Variants in GABRB1 observed in about 807,000 individuals in gnomAD.
The protein encoded by GABRB1 is gamma-aminobutyric acid receptor subunit beta-1.
GABRB1 carries 17 observed loss-of-function variants against 51.6 expected under a neutral mutation model. That is an observed-to-expected ratio of 0.33 (90% CI 0.23 to 0.49). The LOEUF is 0.49. Ranked by LOEUF, GABRB1 falls within the 20% of genes least tolerant of loss-of-function variation. GABRB1 has a pLI of 0.99. For synonymous variants in GABRB1, 247 were observed against 218.9 expected, an observed-to-expected ratio of 1.13 and a Z score of -1.14; for missense variants, 410 against 600.6, an observed-to-expected ratio of 0.68 and a Z score of 3.32.
intron 4 of GABRB1, among the ~76,000 whole-genome samples, chr4:47,286,019 A>G (rs1466153394): frequency 2.0e-4 from 31 of 152,240 alleles, no homozygotes; most frequent in Admixed American, 2.0e-3. Flanking sequence ...CTAACATTAA[A>G]CTTTTCTCAT....
upstream of GABRB1, among the ~76,000 whole-genome samples, chr4:47,028,491 A>T (rs560457890): frequency 1.3e-5 from 2 of 151,956 alleles, no homozygotes; most frequent in South Asian, 4.1e-4. Flanking sequence ...TGGCATAAAC[A>T]TTTTAAAATA....
At chr4:47,329,924 G>A (rs1451003519) in intron 5 of GABRB1, among the ~76,000 whole-genome samples, 2 of 151,956 alleles carry the variant, frequency 1.3e-5, no homozygotes, top group Admixed American at 6.6e-5. Context: ...GGAGGCTGAC[G>A]ATCTCAAGAT....
chr4:47,249,799 A>ACTT, intron 4 of GABRB1, among the ~76,000 whole-genome samples: 1 of 151,962 alleles, frequency 6.6e-6, no homozygotes, highest in East Asian at 1.9e-4. Context: ...CCACCCTTTT[A>ACTT]CTTTAAGTTT....
intron 4 of GABRB1, among the ~76,000 whole-genome samples, chr4:47,252,852 A>T (rs990853131): frequency 6.6e-6 from 1 of 152,100 alleles, no homozygotes; most frequent in African/African-American, 2.4e-5. Context: ...ATCCCTTATC[A>T]TACCTAAATA....
chr4:47,053,207 A>G (rs1485783011), intron 3 of GABRB1, among the ~76,000 whole-genome samples: 1 of 152,184 alleles, frequency 6.6e-6, no homozygotes, highest in Non-Finnish European at 1.5e-5. Context: ...AAATTCAAAC[A>G]TATGTCTTTG....
intron 4 of GABRB1, among the ~76,000 whole-genome samples, chr4:47,301,873 T>A (rs1389539138): frequency 1.3e-5 from 2 of 152,218 alleles, no homozygotes; most frequent in African/African-American, 4.8e-5. Context: ...TGCTTTTCTA[T>A]CATTTTTAAA....
intron 5 of GABRB1, among the ~76,000 whole-genome samples, chr4:47,392,783 A>C (rs1728049275): frequency 6.6e-6 from 1 of 152,242 alleles, no homozygotes; most frequent in Non-Finnish European, 1.5e-5. Flanking sequence ...TATCAAGTGA[A>C]TGACTGGCAT....
At chr4:47,166,380 T>C (rs1328453743) in intron 4 of GABRB1, among the ~76,000 whole-genome samples, 3 of 151,996 alleles carry the variant, frequency 2.0e-5, no homozygotes, top group Admixed American at 2.0e-4. Flanking sequence ...TTCTTCTTCC[T>C]CCTCTTCCTC....
At chr4:47,233,256 A>G (rs1009059967) in intron 4 of GABRB1, among the ~76,000 whole-genome samples, 1 of 152,090 alleles carries the variant, frequency 6.6e-6, no homozygotes, top group East Asian at 1.9e-4. Context: ...TACACTGCTA[A>G]AAGAGTTACT....
intron 4 of GABRB1, among the ~76,000 whole-genome samples, chr4:47,166,841 C>T (rs1262781285): frequency 6.6e-6 from 1 of 152,098 alleles, no homozygotes; most frequent in Non-Finnish European, 1.5e-5. Context: ...CCACCTTTTC[C>T]CATCTTACTG....
chr4:47,079,037 T>G (rs1013469115), intron 3 of GABRB1, among the ~76,000 whole-genome samples: 4 of 152,204 alleles, frequency 2.6e-5, no homozygotes, highest in Non-Finnish European at 5.9e-5. Flanking sequence ...AGGATTCTTG[T>G]GTCGATGTTC....
chr4:47,373,051 A>C (rs1398262687), intron 5 of GABRB1, among the ~76,000 whole-genome samples: 2 of 152,122 alleles, frequency 1.3e-5, no homozygotes, highest in African/African-American at 2.4e-5. Context: ...ACTTGTCAGT[A>C]AGTCTTTGCC....
chr4:47,045,503 A>T (rs1394000744), intron 3 of GABRB1, among the ~76,000 whole-genome samples: 1 of 151,782 alleles, frequency 6.6e-6, no homozygotes, highest in African/African-American at 2.4e-5. Context: ...ATTTCAGCTG[A>T]TATAACAGAG....
At chr4:47,028,536 G>A (rs750747704), upstream of GABRB1, among the ~76,000 whole-genome samples, 4 of 151,454 alleles carry the variant, frequency 2.6e-5, no homozygotes, top group Non-Finnish European at 4.4e-5. Context: ...TGGTCACTTC[G>A]TTATCAGTTT....
At chr4:47,064,075 AT>A (rs1726954739) in intron 3 of GABRB1, among the ~76,000 whole-genome samples, 2 of 152,230 alleles carry the variant, frequency 1.3e-5, no homozygotes, top group South Asian at 4.1e-4. Context: ...AATTAAAAAA[AT>A]AATACATGAG....
intron 4 of GABRB1, among the ~76,000 whole-genome samples, chr4:47,291,828 C>T (rs182532899): frequency 6.6e-6 from 1 of 152,192 alleles, no homozygotes. Flanking sequence ...CTGTACCCCC[C>T]ACTGTATCTA....
At chr4:47,010,085 G>A (rs1724540670) in intron 1 of GABRB1, among the ~76,000 whole-genome samples, 1 of 152,186 alleles carries the variant, frequency 6.6e-6, no homozygotes. Context: ...TGGCTGTTTT[G>A]CTGCAGATTC....
At chr4:47,157,687 A>G (rs545614499) in intron 3 of GABRB1, among the ~76,000 whole-genome samples, 1 of 152,222 alleles carries the variant, frequency 6.6e-6, no homozygotes, top group African/African-American at 2.4e-5. Context: ...GGCTTTATAT[A>G]GATTGTAGAA....
At position 47,406,055 on chromosome 4, in the gene GABRB1, G is replaced by A. The variant is rs1005382755; in HGVS notation, c.836-627G>A. ...AATAGAGAATATTTGAAATATCAAA[G>A]CAACAAGATTATAGTAAATGTAAAA... On this transcript the variant is annotated intron_variant, in intron 7 of 8. Transcript: ENST00000295454. Among the ~76,000 whole-genome samples, 24 of 152,230 alleles carry A rather than the reference G, an allele frequency of 1.6e-4. No homozygotes were observed. In the Middle Eastern group the frequency reaches 0.014, roughly 86 times the overall value.
Sources: gnomAD v4.1 joint callset for allele counts (sites outside exome capture counted in the v4.1 genomes callset) on GRCh38, gnomAD v4.1.1 for gene constraint, MANE v1.5 for transcripts, NCBI Gene and HGNC (gene_info 2026-07-23, HGNC 2026-07-21) for gene names.